Variants in MAPK4 observed in about 807,000 individuals in gnomAD.
The protein encoded by MAPK4 is mitogen-activated protein kinase 4.
Under a neutral mutation model 47.7 loss-of-function variants are expected in MAPK4, and 22 were observed. The observed-to-expected ratio is 0.46, with a 90% CI of 0.33 to 0.66. MAPK4 has a LOEUF of 0.66. Among genes scored for constraint, MAPK4 ranks in the 30% least tolerant of loss-of-function variants. MAPK4 has a pLI of 0.02. For missense variants in MAPK4, 736 were observed against 831.7 expected (o/e 0.88, Z 1.42); for synonymous variants, 390 against 365.7 (o/e 1.07, Z -0.76).
chr18:50,563,861 G>T (rs890485262), intron 1 of MAPK4, among the ~76,000 whole-genome samples: 3 of 152,132 alleles, frequency 2.0e-5, no homozygotes. Context: ...TCTGTCATCG[G>T]TCACTTTCTC....
At chr18:50,717,950 T>C (rs1488948445) in intron 3 of MAPK4, among the ~76,000 whole-genome samples, 2 of 152,080 alleles carry the variant, frequency 1.3e-5, no homozygotes, top group Non-Finnish European at 2.9e-5. Context: ...GGGAGAGGGA[T>C]TGCTGTGGGA....
chr18:50,701,018 AG>A (rs1279556169), intron 2 of MAPK4, among the ~76,000 whole-genome samples: 1 of 152,118 alleles, frequency 6.6e-6, no homozygotes, highest in Non-Finnish European at 1.5e-5. Flanking sequence ...CCCTCCTCTA[AG>A]GAATACCAGG....
intron 1 of MAPK4, among the ~76,000 whole-genome samples, chr18:50,644,973 T>G (rs1239294703): frequency 6.6e-6 from 1 of 152,086 alleles, no homozygotes; most frequent in African/African-American, 2.4e-5. Flanking sequence ...TGCTCAAACT[T>G]GCAGTGGAGA....
chr18:50,609,320 C>T (rs1478599005), intron 1 of MAPK4, among the ~76,000 whole-genome samples: 7 of 151,374 alleles, frequency 4.6e-5, no homozygotes, highest in Non-Finnish European at 1.0e-4. Context: ...CCCCACCTCC[C>T]GGGCGGGGCG....
rs1911381238 is a variant in MAPK4, at chr18:50,729,237, C to T, written c.1147C>T (p.Arg383Cys). The T allele has an allele frequency of 6.2e-7, 1 of 1,607,920 alleles. No individual in the cohort carries two copies. Among genetic ancestry groups the T allele is most frequent in the African/African-American group, 1.3e-5 (1 of 74,806 alleles). Residue 383 changes from arginine (R) to cysteine (C), a missense_variant, in exon 6 of 6, where the codon CGC becomes TGC. By Grantham distance (180) the Arg-to-Cys change is radical. Around this residue, in one of 3 missense-constraint regions of MAPK4, gnomAD observed 377 missense variants for 378.6 expected, o/e 1.00. Transcript: ENST00000400384. The part of the protein sequence containing the change: ...QDASEVQRDP[R>C]AGSAPLAEDV... ...CGCCAGCGAGGTACAGCGCGACCCGCGCGCGGGTTCGGCGCCACTGGCTGA... is the reference window on the plus strand; with the variant it reads ...CGCCAGCGAGGTACAGCGCGACCCGTGCGCGGGTTCGGCGCCACTGGCTGA...
chr18:50,629,165 A>C (rs1453346274), intron 1 of MAPK4, among the ~76,000 whole-genome samples: 1 of 152,188 alleles, frequency 6.6e-6, no homozygotes, highest in East Asian at 1.9e-4. Flanking sequence ...TCAGGGCTGA[A>C]ATGCAGTGTA....
chr18:50,713,544 G>A (rs62092227), intron 2 of MAPK4, among the ~76,000 whole-genome samples: 3 of 152,220 alleles, frequency 2.0e-5, no homozygotes, highest in Non-Finnish European at 4.4e-5. Flanking sequence ...TTCTTAGGAG[G>A]CATGGGGCTG....
chr18:50,626,488 G>A (rs961847169), intron 1 of MAPK4, among the ~76,000 whole-genome samples: 4 of 152,124 alleles, frequency 2.6e-5, no homozygotes, highest in Non-Finnish European at 4.4e-5. Flanking sequence ...TGTTGGAGGC[G>A]GGAAGGATTC....
rs147837611 is a variant in MAPK4, at chr18:50,665,855, A to C, written c.546+1351A>C. 5.1e-3 allele frequency among the ~76,000 whole-genome samples: 771 copies of C among 152,104 alleles called. 6 individuals carry two copies. Among genetic ancestry groups the C allele is most frequent in the Non-Finnish European group, 7.3e-3 (498 of 67,970 alleles). Reference sequence around the variant, plus strand: ...ACTGACAGCCAACTCTGTAGGAAGGAATGTCCATGGGCTGGGGCCTGGGGA... The same window carrying C: ...ACTGACAGCCAACTCTGTAGGAAGGCATGTCCATGGGCTGGGGCCTGGGGA... On this transcript the variant is annotated intron_variant, in intron 2 of 5. Coordinates refer to ENST00000400384, the MANE Select transcript of MAPK4 (RefSeq NM_002747.4).
chr18:50,594,521 G>A (rs2042465914), intron 1 of MAPK4, among the ~76,000 whole-genome samples: 1 of 152,124 alleles, frequency 6.6e-6, no homozygotes, highest in Non-Finnish European at 1.5e-5. Context: ...ATCAGGTGGT[G>A]CTAGAAAAAA....
chr18:50,651,147 G>A (rs2043044217), intron 1 of MAPK4, among the ~76,000 whole-genome samples: 1 of 152,210 alleles, frequency 6.6e-6, no homozygotes, highest in Non-Finnish European at 1.5e-5. Context: ...GTGCTGCTGG[G>A]GAGACTGGGG....
chr18:50,685,862 G>C (rs1908854344), intron 2 of MAPK4, among the ~76,000 whole-genome samples: 1 of 152,128 alleles, frequency 6.6e-6, no homozygotes, highest in Admixed American at 6.5e-5. Context: ...GGAGCATGCT[G>C]TTTTCTCGGT....
chr18:50,566,647 G>T (rs994269618), intron 1 of MAPK4, among the ~76,000 whole-genome samples: 2 of 152,242 alleles, frequency 1.3e-5, no homozygotes, highest in African/African-American at 4.8e-5. Context: ...CCAAAGGTGT[G>T]TGTAAACACA....
At chr18:50,584,779 C>T (rs150667723) in intron 1 of MAPK4, among the ~76,000 whole-genome samples, 1 of 152,308 alleles carries the variant, frequency 6.6e-6, no homozygotes, top group African/African-American at 2.4e-5. Context: ...CAGGAGCTTA[C>T]AAGGATAACA....
At chr18:50,693,585 C>T (rs12458082) in intron 2 of MAPK4, among the ~76,000 whole-genome samples, 5,318 of 152,178 alleles carry the variant, frequency 0.035, 162 homozygotes, top group East Asian at 0.088. Flanking sequence ...AACTGATGTT[C>T]GAATCTTGAC....
intron 1 of MAPK4, among the ~76,000 whole-genome samples, chr18:50,642,714 G>A (rs532768665): frequency 2.0e-5 from 3 of 152,258 alleles, no homozygotes; most frequent in African/African-American, 7.2e-5. Context: ...AGATCTCATG[G>A]CCCAGCATCA....
intron 2 of MAPK4, among the ~76,000 whole-genome samples, chr18:50,693,077 G>A (rs551694401): frequency 6.6e-6 from 1 of 152,230 alleles, no homozygotes; most frequent in South Asian, 2.1e-4. Context: ...CCAACATGGT[G>A]AAACCCTGTC....
At chr18:50,667,683 A>G (rs1907681639) in intron 2 of MAPK4, among the ~76,000 whole-genome samples, 1 of 152,212 alleles carries the variant, frequency 6.6e-6, no homozygotes, top group African/African-American at 2.4e-5. Context: ...AGGGCCAGCG[A>G]TAGGCTTAGT....
At chr18:50,584,391 G>A (rs148539937) in intron 1 of MAPK4, among the ~76,000 whole-genome samples, 95 of 152,190 alleles carry the variant, frequency 6.2e-4, no homozygotes, top group African/African-American at 2.0e-3. Flanking sequence ...GATGAACTGC[G>A]GAACTAAGCC....
Sources: gnomAD v4.1 joint callset for allele counts (sites outside exome capture counted in the v4.1 genomes callset) on GRCh38, gnomAD v4.1.1 for gene constraint, gnomAD v4.1.1 regional missense constraint, MANE v1.5 for transcripts, NCBI Gene and HGNC (gene_info 2026-07-23, HGNC 2026-07-21) for gene names.